PKP4: variants seen among roughly 807,000 people sequenced by gnomAD.
The protein encoded by PKP4 is plakophilin 4.
In PKP4, 90 loss-of-function variants were observed where a neutral mutation model predicts 145.1. The ratio of observed to expected loss-of-function variants is 0.62; its 90% CI spans 0.52 to 0.74. The LOEUF (loss-of-function observed/expected upper bound fraction) is 0.74, where lower values mean the gene tolerates loss of function less well. Ranked by LOEUF, PKP4 falls within the 30% of genes least tolerant of loss-of-function variation. The probability of loss-of-function intolerance (pLI) is 0.00; values close to 1 mark genes in which losing one functional copy is unlikely to be tolerated. For missense variants in PKP4, 1,340 were observed against 1,482.7 expected (o/e 0.90, Z 1.58); for synonymous variants, 563 against 577.2 (o/e 0.98, Z 0.35).
At chr2:158,582,812 G>A (rs1481284392) in intron 3 of PKP4, among the ~76,000 whole-genome samples, 1 of 152,038 alleles carries the variant, frequency 6.6e-6, no homozygotes, top group East Asian at 1.9e-4. Context: ...ATTTTCCACG[G>A]GGCCAAGTCT....
At chr2:158,536,345 A>G (rs2044041493) in intron 2 of PKP4, among the ~76,000 whole-genome samples, 1 of 152,204 alleles carries the variant, frequency 6.6e-6, no homozygotes, top group Non-Finnish European at 1.5e-5. Flanking sequence ...ATTTATTGCA[A>G]CCCCAAACAT....
chr2:158,498,153 GTTATTT>G (rs1310243988), intron 1 of PKP4, among the ~76,000 whole-genome samples: 4 of 152,014 alleles, frequency 2.6e-5, no homozygotes, highest in African/African-American at 7.2e-5. Context: ...TTTATTTTTT[GTTATTT>G]TTATTTTTAT....
chr2:158,631,877 C>G lies in PKP4; in HGVS notation c.1278C>G (p.Arg426=), dbSNP rs768703871. 1 of 1,614,182 alleles carries G rather than the reference C, an allele frequency of 6.2e-7. No individual in the cohort carries two copies. The highest frequency in any genetic ancestry group is 1.7e-5 in the Admixed American group (1 of 60,030). Residue 426 remains arginine (R), a synonymous_variant, in exon 8 of 22, where the codon CGC becomes CGG. Transcript: ENST00000389759. ...GGACCTATTACAGCCCAGTGTACCG[C>G]AGCCCAAACCATGGAACTGTGGAGC... ...EGRTYYSPVY[R]SPNHGTVELQ...
intron 11 of PKP4, among the ~76,000 whole-genome samples, chr2:158,650,892 C>T (rs80278793): frequency 0.04 from 6,021 of 152,274 alleles, 177 homozygotes; most frequent in Non-Finnish European, 0.065. Flanking sequence ...ACTGGCCTCT[C>T]ATGCTTTGGG....
At chr2:158,544,180 A>G (rs199822108) in intron 2 of PKP4, among the ~76,000 whole-genome samples, 3 of 152,150 alleles carry the variant, frequency 2.0e-5, no homozygotes, top group African/African-American at 4.8e-5. Context: ...TTGTGGCTCC[A>G]GGGCAGCCAG....
At chr2:158,464,566 A>C (rs1299075238) in intron 1 of PKP4, among the ~76,000 whole-genome samples, 2 of 152,236 alleles carry the variant, frequency 1.3e-5, no homozygotes, top group Non-Finnish European at 2.9e-5. Context: ...CAATAAGCAC[A>C]TTATTTGCAA....
intron 1 of PKP4, among the ~76,000 whole-genome samples, chr2:158,478,392 C>T (rs1188277657): frequency 2.0e-5 from 3 of 151,830 alleles, no homozygotes; most frequent in South Asian, 4.2e-4. Flanking sequence ...TAGACTATGC[C>T]GATAGTAGTG....
At chr2:158,572,857 T>C (rs1356158543) in intron 2 of PKP4, among the ~76,000 whole-genome samples, 3 of 152,262 alleles carry the variant, frequency 2.0e-5, no homozygotes, top group African/African-American at 7.2e-5. Context: ...TGCCAGCTGA[T>C]GTCAGTGAGA....
intron 6 of PKP4, 56 bp downstream of exon 6, chr2:158,621,477 G>A: frequency 6.9e-7 from 1 of 1,445,632 alleles, no homozygotes; most frequent in Non-Finnish European, 9.6e-7. Flanking sequence ...CGGGCACAGT[G>A]GCTCATGCCT....
chr2:158,518,272 C>T (rs976708124), intron 1 of PKP4, among the ~76,000 whole-genome samples: 6 of 152,186 alleles, frequency 3.9e-5, no homozygotes, highest in Admixed American at 1.3e-4. Flanking sequence ...TCCCAAGTTA[C>T]GTCACAGCTT....
intron 1 of PKP4, among the ~76,000 whole-genome samples, chr2:158,490,044 G>C (rs1392600388): frequency 6.6e-6 from 1 of 152,084 alleles, no homozygotes; most frequent in Non-Finnish European, 1.5e-5. Flanking sequence ...TTCTCAGATT[G>C]TCTTTTTAAA....
intron 1 of PKP4, among the ~76,000 whole-genome samples, chr2:158,474,152 G>T (rs1165478601): frequency 6.6e-6 from 1 of 152,116 alleles, no homozygotes; most frequent in Non-Finnish European, 1.5e-5. Context: ...GAAGCTACTC[G>T]ACGACAGATA....
At chr2:158,530,632 G>A (rs2043450414) in intron 1 of PKP4, among the ~76,000 whole-genome samples, 1 of 149,702 alleles carries the variant, frequency 6.7e-6, no homozygotes, top group Non-Finnish European at 1.5e-5. Context: ...CAAGAAAATG[G>A]ATAGGAAACC....
At chr2:158,624,059 G>A (rs1426946678) in intron 6 of PKP4, among the ~76,000 whole-genome samples, 1 of 152,152 alleles carries the variant, frequency 6.6e-6, no homozygotes, top group African/African-American at 2.4e-5. Context: ...AGCTGTCTAG[G>A]CCAAGAACCC....
At chr2:158,503,024 A>G (rs1345607544) in intron 1 of PKP4, among the ~76,000 whole-genome samples, 2 of 152,174 alleles carry the variant, frequency 1.3e-5, no homozygotes, top group East Asian at 1.9e-4. Context: ...TAGCTTTGCT[A>G]TCCACATGTG....
chr2:158,659,898 TGGA>T (rs1332427043), intron 12 of PKP4: 1 of 152,256 alleles, frequency 6.6e-6, no homozygotes, highest in Non-Finnish European at 1.5e-5. Flanking sequence ...GGCTGCAGTG[TGGA>T]GGAGTGAGTA....
chr2:158,674,009 G>A lies in PKP4; in HGVS notation c.3127+9G>A, dbSNP rs199510964. The A allele has an allele frequency of 1.6e-4, 228 of 1,411,838 alleles. No individual in the cohort carries two copies. The African/African-American group carries it at 2.9e-3, about 18-fold the overall frequency. 87.5% of individuals were successfully genotyped at this position (1,411,838 alleles called of 1,614,324 possible). A position where few individuals can be genotyped will look rare whatever the true frequency, so the allele number is the denominator to read the frequency against. ...ACCCATCATTCAGTCAGGTCAGTGG[G>A]AAAATGCCACTCCTTGGCGAGAACC... On this transcript the variant is annotated intron_variant, in intron 19 of 21. Coordinates refer to ENST00000389759, the MANE Select transcript of PKP4 (RefSeq NM_003628.6).
At chr2:158,474,154 C>T (rs747002561) in intron 1 of PKP4, among the ~76,000 whole-genome samples, 6 of 152,302 alleles carry the variant, frequency 3.9e-5, no homozygotes, top group Non-Finnish European at 5.9e-5. Context: ...AGCTACTCGA[C>T]GACAGATATT....
At chr2:158,543,825 G>A (rs967677936) in intron 2 of PKP4, among the ~76,000 whole-genome samples, 1 of 152,142 alleles carries the variant, frequency 6.6e-6, no homozygotes, top group African/African-American at 2.4e-5. Context: ...TTCTCCGTAC[G>A]TGGTTACTCT....
Sources: allele counts gnomAD v4.1 joint callset (sites outside exome capture counted in the v4.1 genomes callset), GRCh38; gene constraint gnomAD v4.1.1; transcripts MANE v1.5; gene names NCBI Gene and HGNC (gene_info 2026-07-23, HGNC 2026-07-21).